The following ST6GALNAC5 variants were observed in gnomAD, a reference collection of about 807,000 sequenced individuals.
The protein encoded by ST6GALNAC5 is alpha-N-acetylgalactosaminide alpha-2,6-sialyltransferase 5.
In ST6GALNAC5, 27 loss-of-function variants were observed where a neutral mutation model predicts 33.6. That is an observed-to-expected ratio of 0.80 (90% confidence interval 0.59 to 1.11). The LOEUF is 1.11. Ranked by LOEUF, ST6GALNAC5 falls within the 50% of genes least tolerant of loss-of-function variation. The pLI, the probability that ST6GALNAC5 is intolerant of heterozygous loss-of-function variation, is 0.00. For missense variants in ST6GALNAC5, 428 were observed against 454.0 expected, an observed-to-expected ratio of 0.94 and a Z score of 0.52; for synonymous variants, 194 against 171.2, an observed-to-expected ratio of 1.13 and a Z score of -1.04.
At chr1:77,007,470 T>TA (rs1220757806) in intron 2 of ST6GALNAC5, among the ~76,000 whole-genome samples, 1 of 152,220 alleles carries the variant, frequency 6.6e-6, no homozygotes, top group African/African-American at 2.4e-5. Context: ...TCCAGGGACT[T>TA]ACATTCTACT....
rs1311222374 is a variant in ST6GALNAC5 at position 77,066,276 on chromosome 1, A to G, written c.*3070A>G. ...TTTCTTTAAAAAAAAAAATAGATGA[A>G]AGCAAAACACAACGTATTGTACCTA... On this transcript the variant is annotated 3_prime_UTR_variant, in exon 5 of 5. Coordinates refer to ENST00000477717, the MANE Select transcript of ST6GALNAC5 (RefSeq NM_030965.3). Among the ~76,000 whole-genome samples, 2 of 152,104 alleles carry G rather than the reference A, an allele frequency of 1.3e-5. No individual in the cohort carries two copies. Among genetic ancestry groups the G allele is most frequent in the Non-Finnish European group, 2.9e-5 (2 of 68,010 alleles).
rs1386314087 is a variant in ST6GALNAC5, at chr1:76,994,538, AAG to A, written c.262-49662_262-49661del. On this transcript the variant is annotated intron_variant, in intron 2 of 4. Transcript: ENST00000477717. ...CTTTTCTGAAGTTTCATTTTAATGA[AAG>A]AGAAAGAAGAATATGAATGACATGT... 2.0e-5 allele frequency among the ~76,000 whole-genome samples: 3 copies of A among 152,312 alleles called. No individual in the cohort carries two copies. In the East Asian group the frequency reaches 5.8e-4, roughly 29 times the overall value.
Position 76,868,747 on chromosome 1 carries a change from C to G in ST6GALNAC5, c.261+5C>G, listed in dbSNP as rs202033619. 6.7e-6 allele frequency: 10 copies of G among 1,489,752 alleles called. No individual in the cohort carries two copies. The highest frequency in any genetic ancestry group is 2.8e-5 in the African/African-American group (2 of 70,714). 92.3% of individuals were successfully genotyped at this position (1,489,752 alleles called of 1,614,324 possible). A position where few individuals can be genotyped will look rare whatever the true frequency, so the allele number is the denominator to read the frequency against. ...CTCGGAGTGGCGGACCACAAGGTGACAGCATGCCCGCCAGCCCGCTCGCCA... is the reference window on the plus strand; with the variant it reads ...CTCGGAGTGGCGGACCACAAGGTGAGAGCATGCCCGCCAGCCCGCTCGCCA... On this transcript the variant is annotated splice_donor_5th_base_variant and intron_variant, in intron 2 of 4. Transcript: ENST00000477717. The surrounding 1 kb of genome is among the most constrained non-coding windows in gnomAD (Gnocchi z 4.3).
chr1:77,050,498 C>T, intron 4 of ST6GALNAC5, 133 bp downstream of exon 4: 1 of 739,014 alleles, frequency 1.4e-6, no homozygotes, highest in Non-Finnish European at 2.2e-6. Flanking sequence ...CCCAAGTTCT[C>T]ATTCTAGAAA....
chr1:76,950,162 T>C (rs1426475002), intron 2 of ST6GALNAC5, among the ~76,000 whole-genome samples: 2 of 152,140 alleles, frequency 1.3e-5, no homozygotes, highest in Non-Finnish European at 2.9e-5. Context: ...GCCAAGGTCA[T>C]GCACGGTATG....
chr1:76,898,779 AG>A (rs745423039), intron 2 of ST6GALNAC5, among the ~76,000 whole-genome samples: 28 of 152,082 alleles, frequency 1.8e-4, no homozygotes, highest in Non-Finnish European at 3.5e-4. Flanking sequence ...GGGTGTGAGG[AG>A]GGGAGTTGAT....
intron 2 of ST6GALNAC5, among the ~76,000 whole-genome samples, chr1:76,927,619 G>A (rs762697717): frequency 6.6e-5 from 10 of 152,050 alleles, no homozygotes; most frequent in African/African-American, 7.2e-5. Flanking sequence ...CATTCAATTT[G>A]TGTGTTTTAG....
At chr1:76,893,807 C>T (rs964486215) in intron 2 of ST6GALNAC5, among the ~76,000 whole-genome samples, 12 of 152,190 alleles carry the variant, frequency 7.9e-5, no homozygotes, top group African/African-American at 2.4e-4. Flanking sequence ...ACTACAGGTG[C>T]GTGCCACCAA....
intron 2 of ST6GALNAC5, among the ~76,000 whole-genome samples, chr1:76,881,789 C>A (rs181961548): frequency 1.5e-3 from 231 of 152,316 alleles, no homozygotes; most frequent in South Asian, 8.1e-3. Context: ...AATTTGTAGG[C>A]CTGTAACTAA....
At chr1:77,045,025 C>G (rs1651962686) in intron 3 of ST6GALNAC5, among the ~76,000 whole-genome samples, 1 of 152,196 alleles carries the variant, frequency 6.6e-6, no homozygotes, top group Admixed American at 6.5e-5. Flanking sequence ...GTGCCCACTA[C>G]TTGCTCATCA....
At chr1:77,007,768 G>T (rs1650479354) in intron 2 of ST6GALNAC5, among the ~76,000 whole-genome samples, 1 of 152,216 alleles carries the variant, frequency 6.6e-6, no homozygotes, top group African/African-American at 2.4e-5. Flanking sequence ...AGTAACCGTG[G>T]CTTGCCGTAA....
chr1:76,966,496 G>A (rs1221112953), intron 2 of ST6GALNAC5, among the ~76,000 whole-genome samples: 2 of 152,140 alleles, frequency 1.3e-5, no homozygotes, highest in African/African-American at 4.8e-5. Context: ...AGGAGATTTT[G>A]GGCTGAGACG....
chr1:76,967,490 C>A (rs1314084517), intron 2 of ST6GALNAC5, among the ~76,000 whole-genome samples: 1 of 152,136 alleles, frequency 6.6e-6, no homozygotes, highest in African/African-American at 2.4e-5. Flanking sequence ...CTTTAGCAGT[C>A]TTGCTAGCAG....
chr1:76,961,530 G>A lies in ST6GALNAC5; in HGVS notation c.262-82674G>A, dbSNP rs147614914. Among the ~76,000 whole-genome samples, 339 of 152,208 alleles carry A rather than the reference G, an allele frequency of 2.2e-3. 1 individual carries two copies. Among genetic ancestry groups the A allele is most frequent in the African/African-American group, 7.3e-3 (305 of 41,520 alleles). On this transcript the variant is annotated intron_variant, in intron 2 of 4. Coordinates refer to ENST00000477717, the MANE Select transcript of ST6GALNAC5 (RefSeq NM_030965.3). ...TGATCCTCCATGATCTGCCCATGCC[G>A]CCTTCTCCAGCATCATCTGCTACTC...
At chr1:76,984,277 A>C (rs529434782) in intron 2 of ST6GALNAC5, among the ~76,000 whole-genome samples, 2 of 152,356 alleles carry the variant, frequency 1.3e-5, no homozygotes, top group South Asian at 4.1e-4. Flanking sequence ...AGACTAATAA[A>C]GAAGAAAAAA....
intron 2 of ST6GALNAC5, among the ~76,000 whole-genome samples, chr1:76,903,489 G>T (rs1345521497): frequency 6.6e-6 from 1 of 152,098 alleles, no homozygotes; most frequent in Non-Finnish European, 1.5e-5. Flanking sequence ...TCCTCAAATT[G>T]TGACACATAG....
intron 2 of ST6GALNAC5, among the ~76,000 whole-genome samples, chr1:76,930,540 G>A (rs1489956815): frequency 1.3e-5 from 2 of 152,086 alleles, no homozygotes; most frequent in African/African-American, 4.8e-5. Context: ...ACAGGTGGAA[G>A]GAAAGGAGCA....
intron 2 of ST6GALNAC5, among the ~76,000 whole-genome samples, chr1:76,981,347 G>A (rs1360095348): frequency 1.3e-5 from 2 of 152,234 alleles, no homozygotes; most frequent in Admixed American, 6.5e-5. Flanking sequence ...TCCTGTGCCT[G>A]GCTCGATGGG....
At chr1:76,977,603 A>G (rs959506565) in intron 2 of ST6GALNAC5, among the ~76,000 whole-genome samples, 3 of 152,184 alleles carry the variant, frequency 2.0e-5, no homozygotes, top group Non-Finnish European at 2.9e-5. Flanking sequence ...TTCACTTAAC[A>G]TAATGTCCTC....
Sources: gnomAD v4.1 joint callset for allele counts (sites outside exome capture counted in the v4.1 genomes callset) on GRCh38, gnomAD v4.1.1 for gene constraint, Gnocchi (gnomAD v3.1) non-coding constraint, MANE v1.5 for transcripts, NCBI Gene and HGNC (gene_info 2026-07-23, HGNC 2026-07-21) for gene names.